Variants in RBFOX1 observed in about 807,000 individuals in gnomAD.
RBFOX1 encodes the protein RNA binding fox-1 homolog 1.
A neutral mutation model predicts 57.7 loss-of-function variants in RBFOX1; 8 were observed. The ratio of observed to expected loss-of-function variants is 0.14; its 90% CI spans 0.08 to 0.25. RBFOX1 has a LOEUF of 0.25. RBFOX1 is among the 10% of genes least tolerant of loss of function. The pLI is 1.00. For synonymous variants in RBFOX1, 326 were observed against 222.4 expected (o/e 1.47, Z -4.15); for missense variants, 611 against 548.5 (o/e 1.11, Z -1.14).
intron 4 of RBFOX1, among the ~76,000 whole-genome samples, chr16:7,439,901 T>A (rs2098752223): frequency 6.6e-6 from 1 of 151,902 alleles, no homozygotes; most frequent in Non-Finnish European, 1.5e-5. Context: ...GTATTAGCAG[T>A]CAAGGCTCCA....
intron 1 of RBFOX1, chr16:6,038,797 G>T (rs1411330957): frequency 6.8e-6 from 1 of 146,884 alleles, no homozygotes; most frequent in Non-Finnish European, 1.5e-5. Context: ...TTTACCACTT[G>T]GGTTGGATTT....
chr16:5,476,054 T>C (rs577266948), intron 2 of RBFOX1, among the ~76,000 whole-genome samples: 9 of 152,254 alleles, frequency 5.9e-5, no homozygotes, highest in African/African-American at 1.4e-4. Context: ...CTCCCTGCCT[T>C]GTTTCCAGCC....
intron 4 of RBFOX1, among the ~76,000 whole-genome samples, chr16:5,976,489 GA>G (rs2060065509): frequency 6.6e-6 from 1 of 152,148 alleles, no homozygotes. Flanking sequence ...ATCCCATTAG[GA>G]AAGAAATTCC....
intron 4 of RBFOX1, among the ~76,000 whole-genome samples, chr16:7,221,575 C>T (rs536500967): frequency 6.6e-6 from 1 of 152,072 alleles, no homozygotes; most frequent in African/African-American, 2.4e-5. Context: ...CCATGTTGGC[C>T]AGGGTAGTCT....
intron 3 of RBFOX1, among the ~76,000 whole-genome samples, chr16:6,702,806 A>G (rs1049945423): frequency 1.3e-5 from 2 of 152,202 alleles, no homozygotes; most frequent in African/African-American, 4.8e-5. Context: ...GCCATTTTAA[A>G]TGTAGAGTTC....
intron 1 of RBFOX1, among the ~76,000 whole-genome samples, chr16:6,062,844 G>A (rs751209014): frequency 6.6e-6 from 1 of 152,152 alleles, no homozygotes; most frequent in Non-Finnish European, 1.5e-5. Context: ...TAGCAGGCTG[G>A]AAATTCAGAT....
intron 1 of RBFOX1, among the ~76,000 whole-genome samples, chr16:6,112,524 C>G (rs1044820617): frequency 3.3e-5 from 5 of 152,116 alleles, no homozygotes; most frequent in African/African-American, 1.2e-4. Context: ...AACCCCGTCT[C>G]TACTAAAAAT....
chr16:7,368,002 T>A (rs2097492180), intron 4 of RBFOX1, among the ~76,000 whole-genome samples: 1 of 152,092 alleles, frequency 6.6e-6, no homozygotes, highest in Non-Finnish European at 1.5e-5. Context: ...CATGGTGTCT[T>A]ATGCCTGTAA....
At chr16:6,180,294 T>A (rs2097052654) in intron 1 of RBFOX1, among the ~76,000 whole-genome samples, 1 of 152,090 alleles carries the variant, frequency 6.6e-6, no homozygotes, top group Non-Finnish European at 1.5e-5. Flanking sequence ...ACTAATTCAT[T>A]CTCTTTGCTT....
At chr16:7,469,312 T>C (rs1403534168) in intron 4 of RBFOX1, among the ~76,000 whole-genome samples, 2 of 152,112 alleles carry the variant, frequency 1.3e-5, no homozygotes, top group African/African-American at 4.8e-5. Flanking sequence ...TCTGCCCGCC[T>C]CGGCCTCCCA....
chr16:6,680,533 G>C (rs1175691691), intron 3 of RBFOX1, among the ~76,000 whole-genome samples: 1 of 152,086 alleles, frequency 6.6e-6, no homozygotes, highest in Non-Finnish European at 1.5e-5. Context: ...AAAGTGCTGG[G>C]ATTACAGGCG....
intron 4 of RBFOX1, among the ~76,000 whole-genome samples, chr16:7,151,087 C>G (rs1486464622): frequency 1.3e-5 from 2 of 152,118 alleles, no homozygotes; most frequent in South Asian, 2.1e-4. Flanking sequence ...TAAGTGTATT[C>G]TACTTTCAGG....
intron 2 of RBFOX1, among the ~76,000 whole-genome samples, chr16:5,468,909 C>G (rs781668685): frequency 3.9e-5 from 6 of 152,232 alleles, no homozygotes; most frequent in Non-Finnish European, 8.8e-5. Context: ...CTTCCCGCCC[C>G]GTCCCTTAGC....
At chr16:6,658,950 T>TTTTTG (rs2098682513) in intron 3 of RBFOX1, among the ~76,000 whole-genome samples, 2 of 151,432 alleles carry the variant, frequency 1.3e-5, no homozygotes, top group Admixed American at 6.6e-5. Context: ...TTTTTGTTTT[T>TTTTTG]TTTTTTCCTC....
chr16:5,590,736 C>G (rs2046980940), intron 2 of RBFOX1, among the ~76,000 whole-genome samples: 1 of 152,174 alleles, frequency 6.6e-6, no homozygotes, highest in African/African-American at 2.4e-5. Context: ...TTCGCAGATG[C>G]TTCAGCTCAC....
intron 1 of RBFOX1, among the ~76,000 whole-genome samples, chr16:6,036,294 G>A (rs1031963489): frequency 1.3e-5 from 2 of 152,214 alleles, no homozygotes; most frequent in Admixed American, 6.5e-5. Context: ...GATGTATAAA[G>A]GCATGGAGGC....
intron 4 of RBFOX1, among the ~76,000 whole-genome samples, chr16:7,357,161 C>T (rs968238245): frequency 2.0e-5 from 3 of 150,958 alleles, no homozygotes; most frequent in Non-Finnish European, 2.9e-5. Flanking sequence ...CATGTAGGAA[C>T]ACAAGGATTT....
At chr16:5,428,596 G>A (rs11859783) in intron 1 of RBFOX1, among the ~76,000 whole-genome samples, 109 of 152,222 alleles carry the variant, frequency 7.2e-4, no homozygotes, top group African/African-American at 2.6e-3. Flanking sequence ...AGACCAGGAA[G>A]GACTGACGTT....
At chr16:5,766,033 C>G (rs1194850782) in intron 3 of RBFOX1, among the ~76,000 whole-genome samples, 1 of 152,144 alleles carries the variant, frequency 6.6e-6, no homozygotes, top group African/African-American at 2.4e-5. Context: ...TGGGGACTAG[C>G]TTGGTAGTGT....
Sources: gnomAD v4.1 joint callset for allele counts (sites outside exome capture counted in the v4.1 genomes callset) on GRCh38, gnomAD v4.1.1 for gene constraint, MANE v1.5 for transcripts, NCBI Gene and HGNC (gene_info 2026-07-23, HGNC 2026-07-21) for gene names.